The following ACOXL variants were observed in gnomAD, a reference collection of about 807,000 sequenced individuals.
ACOXL encodes the protein acyl-CoA oxidase like, also known as acyl-coenzyme A oxidase-like protein.
In ACOXL, 70 loss-of-function variants were observed where a neutral mutation model predicts 71.9. That is an observed-to-expected ratio of 0.97 (90% CI 0.80 to 1.19). ACOXL has a LOEUF of 1.19. ACOXL is among the 50% of genes most tolerant of loss of function. The pLI is 0.00. For missense variants in ACOXL, 703 were observed against 736.3 expected (o/e 0.95, Z 0.52); for synonymous variants, 253 against 281.6 (o/e 0.90, Z 1.02).
Position 110,987,221 on chromosome 2 carries a change from C to T in ACOXL, c.1169+4C>T, listed in dbSNP as rs1439682571. The T allele has an allele frequency of 8.3e-6, 13 of 1,564,610 alleles. No homozygotes were observed. Among genetic ancestry groups the T allele is most frequent in the South Asian group, 2.3e-5 (2 of 85,282 alleles). On this transcript the variant is annotated splice_donor_region_variant and intron_variant, in intron 13 of 17. Coordinates refer to ENST00000439055, the MANE Select transcript of ACOXL (RefSeq NM_001142807.4). ...TGGGGGACAAGCTGAGAACCAGGTA[C>T]GTATTACTCAGGCCATCATCATCTG... is the stretch of plus-strand genomic sequence containing the variant.
intron 17 of ACOXL, 72 bp downstream of exon 17, chr2:111,093,038 C>A: frequency 8.1e-7 from 1 of 1,238,260 alleles, no homozygotes; most frequent in Non-Finnish European, 1.2e-6. Flanking sequence ...AGAAAACAGT[C>A]CTGCCAATCT....
At chr2:110,995,819 C>A in intron 13 of ACOXL, 74 bp from the exon 14 acceptor site, 1 of 1,167,998 alleles carries the variant, frequency 8.6e-7, no homozygotes, top group Non-Finnish European at 1.3e-6. Context: ...AAAAACAAAC[C>A]TACTCTATTT....
intron 5 of ACOXL, among the ~76,000 whole-genome samples, chr2:110,798,257 G>A (rs1245026037): frequency 1.3e-5 from 2 of 148,638 alleles, no homozygotes; most frequent in Admixed American, 1.3e-4. Context: ...AGTATTCATT[G>A]CTTTTTTTTT....
intron 16 of ACOXL, among the ~76,000 whole-genome samples, chr2:111,084,239 C>T (rs902996151): frequency 8.8e-5 from 13 of 148,018 alleles, no homozygotes; most frequent in East Asian, 2.0e-4. Context: ...TGCTGTCTTA[C>T]GGACACAGAT....
chr2:111,115,975 A>G (rs2070325283), intron 17 of ACOXL, among the ~76,000 whole-genome samples: 1 of 152,206 alleles, frequency 6.6e-6, no homozygotes, highest in African/African-American at 2.4e-5. Context: ...TTGGCACCAG[A>G]TAGATAAAAC....
chr2:110,897,273 T>A (rs1336047119), intron 10 of ACOXL, among the ~76,000 whole-genome samples: 1 of 152,222 alleles, frequency 6.6e-6, no homozygotes, highest in African/African-American at 2.4e-5. Context: ...TAAATGCATA[T>A]ATTAGAAATG....
At chr2:110,895,836 AC>A (rs2058985920) in intron 10 of ACOXL, among the ~76,000 whole-genome samples, 1 of 152,146 alleles carries the variant, frequency 6.6e-6, no homozygotes, top group South Asian at 2.1e-4. Flanking sequence ...AAATCAAGGC[AC>A]TTTCAGATGA....
At position 111,092,905 on chromosome 2, in the gene ACOXL, G is replaced by A. The variant is rs770996535; in HGVS notation, c.1481G>A (p.Arg494Gln). 2.6e-5 allele frequency: 42 copies of A among 1,613,722 alleles called. No individual in the cohort carries two copies. Among genetic ancestry groups the A allele is most frequent in the Admixed American group, 6.7e-5 (4 of 59,950 alleles). The change falls in exon 17 of 18, where the codon CGG (arginine) becomes CAG (glutamine). Residue 494 changes from arginine to glutamine, a missense_variant. Physicochemically the swap from Arg to Gln is conservative, Grantham distance 43 (BLOSUM62 1). Transcript: ENST00000439055. ...LYGTKLVFQE[R>Q]AWYLEHKYLT... ...GGAACCAAGCTGGTGTTTCAGGAGC[G>A]GGCCTGGTATTTAGAACATAAATAC...
chr2:111,029,260 C>T (rs1027834984), intron 14 of ACOXL, among the ~76,000 whole-genome samples: 69 of 152,238 alleles, frequency 4.5e-4, no homozygotes, highest in African/African-American at 1.5e-3. Context: ...CCTGGAACCT[C>T]GTATTAAGGT....
intron 1 of ACOXL, among the ~76,000 whole-genome samples, chr2:110,739,967 A>T (rs1235661067): frequency 6.6e-6 from 1 of 152,166 alleles, no homozygotes; most frequent in Non-Finnish European, 1.5e-5. Flanking sequence ...ATATGTTCTG[A>T]TATCCAGAAC....
Position 110,995,889 on chromosome 2 carries a change from T to A in ACOXL, c.1170-4T>A. 6.2e-7 allele frequency: 1 copy of A among 1,611,998 alleles called. No individual in the cohort carries two copies. Among genetic ancestry groups the A allele is most frequent in the Non-Finnish European group, 8.5e-7 (1 of 1,178,144 alleles). On this transcript the variant is annotated splice_polypyrimidine_tract_variant and splice_region_variant and intron_variant, in intron 13 of 17. Transcript: ENST00000439055. ...TAATGATGGTCACCGTGATTTTCTT[T>A]CAGTTTCCTGGCATTTAACATGGAC...
intron 10 of ACOXL, among the ~76,000 whole-genome samples, chr2:110,860,763 G>A (rs1029720191): frequency 1.3e-5 from 2 of 152,192 alleles, no homozygotes; most frequent in African/African-American, 4.8e-5. Context: ...ATGTCTAGGT[G>A]ATCTGCTGCA....
intron 11 of ACOXL, among the ~76,000 whole-genome samples, chr2:110,919,316 A>G (rs897040664): frequency 1.3e-5 from 2 of 151,838 alleles, no homozygotes; most frequent in African/African-American, 2.4e-5. Flanking sequence ...ACAGAAAACC[A>G]AACACCACAT....
chr2:111,065,738 C>T (rs1026974024), intron 16 of ACOXL, among the ~76,000 whole-genome samples: 1 of 152,138 alleles, frequency 6.6e-6, no homozygotes, highest in African/African-American at 2.4e-5. Flanking sequence ...AGGCTAGAGA[C>T]GGCAAATAAC....
At chr2:110,806,116 C>A (rs374439696) in intron 9 of ACOXL, among the ~76,000 whole-genome samples, 2 of 152,246 alleles carry the variant, frequency 1.3e-5, no homozygotes, top group Non-Finnish European at 2.9e-5. Context: ...AAATTTCATT[C>A]CCTTGACTCC....
intron 10 of ACOXL, among the ~76,000 whole-genome samples, chr2:110,873,941 G>A (rs542620170): frequency 1.3e-5 from 2 of 152,328 alleles, no homozygotes; most frequent in African/African-American, 4.8e-5. Flanking sequence ...TAGCTCTGTG[G>A]TCTTGGCATC....
At position 111,112,779 on chromosome 2, in the gene ACOXL, A is replaced by G. The variant is rs2289320; in HGVS notation, c.1543-4837A>G. On this transcript the variant is annotated intron_variant, in intron 17 of 17. Transcript: ENST00000439055. ...CAAAGCAGCAGGGAGGGGCCTGTTG[A>G]CCAGTGTGGAAGGGCACTCCCAATT... is the stretch of plus-strand genomic sequence containing the variant. Among the ~76,000 whole-genome samples the G allele has an allele frequency of 1.9e-3, 283 of 152,318 alleles. 12 individuals carry two copies. In the East Asian group the frequency reaches 0.046, roughly 25 times the overall value.
At chr2:110,762,830 T>C (rs762242691) in intron 1 of ACOXL, among the ~76,000 whole-genome samples, 4 of 152,066 alleles carry the variant, frequency 2.6e-5, no homozygotes, top group Non-Finnish European at 5.9e-5. Flanking sequence ...TAATTTTTTG[T>C]ATTGTTAGTA....
intron 10 of ACOXL, among the ~76,000 whole-genome samples, chr2:110,885,900 A>G (rs1001354916): frequency 3.3e-5 from 5 of 152,192 alleles, no homozygotes; most frequent in African/African-American, 1.2e-4. Context: ...GAGTGTCTAT[A>G]CAGAAATATG....
Sources: allele counts gnomAD v4.1 joint callset (sites outside exome capture counted in the v4.1 genomes callset), GRCh38; gene constraint gnomAD v4.1.1; transcripts MANE v1.5; gene names NCBI Gene and HGNC (gene_info 2026-07-23, HGNC 2026-07-21).